CALD1: variants seen among roughly 807,000 people sequenced by gnomAD.
CALD1 encodes the protein caldesmon.
A neutral mutation model predicts 99.9 loss-of-function variants in CALD1; 33 were observed. That is an observed-to-expected ratio of 0.33 (90% CI 0.25 to 0.44). The LOEUF (loss-of-function observed/expected upper bound fraction) is 0.44. Ranked by LOEUF, CALD1 falls within the 20% of genes least tolerant of loss-of-function variation. CALD1 has a pLI of 1.00. For missense variants in CALD1, 861 were observed against 962.1 expected (o/e 0.89, Z 1.39); for synonymous variants, 310 against 325.0 (o/e 0.95, Z 0.50).
At chr7:134,871,174 TC>T (rs1172101388) in intron 3 of CALD1, among the ~76,000 whole-genome samples, 1 of 152,234 alleles carries the variant, frequency 6.6e-6, no homozygotes, top group Non-Finnish European at 1.5e-5. Flanking sequence ...TATTGATTTT[TC>T]TTTACTACGA....
chr7:134,758,227 T>A (rs1349696), intron 1 of CALD1, among the ~76,000 whole-genome samples: 22,736 of 152,264 alleles, frequency 0.15, 1,803 homozygotes, highest in Non-Finnish European at 0.18. Flanking sequence ...ACTCCAAGAC[T>A]TATGGATTGT....
chr7:134,865,814 C>A (rs902175768), intron 2 of CALD1, among the ~76,000 whole-genome samples: 1 of 152,162 alleles, frequency 6.6e-6, no homozygotes, highest in Admixed American at 6.5e-5. Flanking sequence ...GGCTGAGAAC[C>A]ACTGTTGCTG....
chr7:134,745,658 T>A (rs1205606582), intron 1 of CALD1: 1 of 152,226 alleles, frequency 6.6e-6, no homozygotes, highest in Non-Finnish European at 1.5e-5. Flanking sequence ...TCTCACCTCA[T>A]GGACCTATCC....
chr7:134,828,976 T>A (rs9656443), intron 1 of CALD1, among the ~76,000 whole-genome samples: 1 of 152,184 alleles, frequency 6.6e-6, no homozygotes, highest in African/African-American at 2.4e-5. Context: ...AGATGATAAA[T>A]CTATAAAGCT....
the CALD1 span, among the ~76,000 whole-genome samples, chr7:134,729,989 A>G: frequency 1.5e-4 from 23 of 152,122 alleles, no homozygotes; most frequent in African/African-American, 4.6e-4. Context: ...GTCCCTGAAG[A>G]CAGAGATTCC....
chr7:134,874,865 G>A (rs1457369642), intron 3 of CALD1, among the ~76,000 whole-genome samples: 1 of 152,130 alleles, frequency 6.6e-6, no homozygotes, highest in Non-Finnish European at 1.5e-5. Flanking sequence ...TCCCCTCTCA[G>A]AACTGTATCA....
intron 1 of CALD1, among the ~76,000 whole-genome samples, chr7:134,831,800 A>G (rs1047851025): frequency 6.6e-6 from 1 of 152,174 alleles, no homozygotes; most frequent in Non-Finnish European, 1.5e-5. Context: ...GTCCACAGCA[A>G]CTTCAGTCCT....
rs1345710174 is a variant in CALD1, at chr7:134,891,423, G to A, written c.71+23619G>A. On this transcript the variant is annotated intron_variant, in intron 3 of 14. Transcript: ENST00000361675. ...GGAACGGGTTGGGAGGAGTAGATTT[G>A]GCTGAGGACAAGCCCAGACTTTCGT... 4 of 1,291,868 alleles carry A rather than the reference G, an allele frequency of 3.1e-6. No individual in the cohort carries two copies. In the African/African-American group the frequency reaches 6.0e-5, roughly 19 times the overall value. 80.0% of individuals were successfully genotyped at this position (1,291,868 alleles called of 1,614,324 possible).
At chr7:134,753,333 A>C (rs1401399833) in intron 1 of CALD1, among the ~76,000 whole-genome samples, 1 of 152,176 alleles carries the variant, frequency 6.6e-6, no homozygotes, top group Non-Finnish European at 1.5e-5. Flanking sequence ...CATCTGCTAA[A>C]AAAAATCAGA....
chr7:134,759,299 G>A (rs1796756937), intron 1 of CALD1, among the ~76,000 whole-genome samples: 1 of 152,180 alleles, frequency 6.6e-6, no homozygotes, highest in African/African-American at 2.4e-5. Context: ...TAAGTGCAAG[G>A]TAGAGACTGA....
At chr7:134,890,927 T>C (rs538939472) in intron 3 of CALD1, among the ~76,000 whole-genome samples, 2 of 152,340 alleles carry the variant, frequency 1.3e-5, no homozygotes, top group African/African-American at 4.8e-5. Context: ...TATGTCATGC[T>C]CCTTCCCTGG....
At chr7:134,744,632 C>T (rs548463115) in intron 1 of CALD1, among the ~76,000 whole-genome samples, 1 of 152,120 alleles carries the variant, frequency 6.6e-6, no homozygotes, top group African/African-American at 2.4e-5. Context: ...TTAAAGTAAG[C>T]TAATTAAAGT....
the CALD1 span, among the ~76,000 whole-genome samples, chr7:134,736,563 C>T: frequency 1.1e-3 from 172 of 152,300 alleles, no homozygotes; most frequent in African/African-American, 4.1e-3. Context: ...GTCTCATTCT[C>T]TCTCCCTTAA....
chr7:134,958,107 G>GA lies in CALD1; in HGVS notation c.1978dup (p.Ser660LysfsTer17). 1 of 1,610,790 alleles carries GA rather than the reference G, an allele frequency of 6.2e-7. No individual in the cohort carries two copies. The highest frequency in any genetic ancestry group is 2.2e-5 in the East Asian group (1 of 44,862). ...CAGAATTTTTGAATAAGTCTGTGCA[G>GA]AAAAGGTAAATATGCTTGATGGTTC... On this transcript the variant is annotated frameshift_variant, in exon 10 of 15. Transcript: ENST00000361675. LOFTEE classifies it high-confidence loss of function.
intron 13 of CALD1, among the ~76,000 whole-genome samples, chr7:134,964,202 A>C (rs997309601): frequency 6.6e-6 from 1 of 152,172 alleles, no homozygotes. Context: ...CTCACAACAG[A>C]AAAAGAAGAA....
the CALD1 span, among the ~76,000 whole-genome samples, chr7:134,731,198 C>T: frequency 6.6e-6 from 1 of 152,166 alleles, no homozygotes; most frequent in East Asian, 1.9e-4. Flanking sequence ...CTCTTTGGCT[C>T]TACCACTGGA....
At chr7:134,812,657 T>C (rs1033479094) in intron 1 of CALD1, among the ~76,000 whole-genome samples, 5 of 152,114 alleles carry the variant, frequency 3.3e-5, no homozygotes, top group African/African-American at 1.2e-4. Flanking sequence ...TTTACCAAAC[T>C]TAGGAAGAAC....
chr7:134,751,304 G>C (rs994933207), intron 1 of CALD1, among the ~76,000 whole-genome samples: 1 of 152,164 alleles, frequency 6.6e-6, no homozygotes, highest in Non-Finnish European at 1.5e-5. Context: ...TAGTATAATG[G>C]TTTTAAGGCT....
chr7:134,731,992 C>T, the CALD1 span, among the ~76,000 whole-genome samples: 2 of 152,152 alleles, frequency 1.3e-5, no homozygotes, highest in Non-Finnish European at 2.9e-5. Flanking sequence ...TAAAATCTTT[C>T]ATTCTTTCCT....
Sources: allele counts gnomAD v4.1 joint callset (sites outside exome capture counted in the v4.1 genomes callset), GRCh38; gene constraint gnomAD v4.1.1; transcripts MANE v1.5; gene names NCBI Gene and HGNC (gene_info 2026-07-23, HGNC 2026-07-21).